The following TRIM59 variants were observed in gnomAD, a reference collection of about 807,000 sequenced individuals.
TRIM59 encodes tripartite motif containing 59.
A neutral mutation model predicts 32.2 loss-of-function variants in TRIM59; 14 were observed. The observed-to-expected ratio is 0.43, with a 90% CI of 0.29 to 0.68. The LOEUF is 0.68. Among genes scored for constraint, TRIM59 ranks in the 30% least tolerant of loss-of-function variants. The probability of loss-of-function intolerance (pLI) is 0.15; values close to 1 mark genes in which losing one functional copy is unlikely to be tolerated. For synonymous variants in TRIM59, 163 were observed against 155.1 expected, an observed-to-expected ratio of 1.05 and a Z score of -0.38; for missense variants, 471 against 463.3, an observed-to-expected ratio of 1.02 and a Z score of -0.15.
chr3:160,448,865 T>A (rs1397123137), intron 1 of TRIM59, 70 bp from the exon 2 acceptor site: 3 of 823,124 alleles, frequency 3.6e-6, no homozygotes, highest in Non-Finnish European at 5.1e-6. Context: ...TGGTTGTTAG[T>A]TCACTGTCTT....
intron 1 of TRIM59, 70 bp downstream of exon 1, chr3:160,449,647 A>G: frequency 7.8e-7 from 1 of 1,289,642 alleles, no homozygotes; most frequent in Non-Finnish European, 1.0e-6. Context: ...GGCACACCAG[A>G]CTGTGCTACA....
intron 1 of TRIM59, chr3:160,449,454 G>T: frequency 8.6e-7 from 1 of 1,164,642 alleles, no homozygotes; most frequent in Non-Finnish European, 1.1e-6. Context: ...CCGACTCGGC[G>T]GCGTCCGCTC....
chr3:160,438,035 C>G lies in TRIM59; in HGVS notation c.1149G>C (p.Lys383Asn). The G allele has an allele frequency of 6.3e-7, 1 of 1,590,378 alleles. No homozygotes were observed. Among genetic ancestry groups the G allele is most frequent in the Non-Finnish European group, 8.5e-7 (1 of 1,173,520 alleles). ...AATAGAAAATGTGACACAGTATATT[C>G]TTTACCTTATGCAGACTGTTAGATA... ...QSLSNSLHKV[K>N]NILCHIFYLL... is the part of the protein sequence containing the mutation. Residue 383 changes from lysine to asparagine, a missense_variant, in exon 3 of 3, where the codon AAG (lysine) becomes AAC (asparagine). Lys to Asn is a moderately conservative substitution (Grantham distance 94). Transcript: ENST00000309784.
intron 2 of TRIM59, among the ~76,000 whole-genome samples, chr3:160,445,269 G>A (rs1719464144): frequency 6.6e-6 from 1 of 151,828 alleles, no homozygotes; most frequent in African/African-American, 2.4e-5. Context: ...AAAAAACTTA[G>A]CTAAGTATGG....
intron 2 of TRIM59, among the ~76,000 whole-genome samples, chr3:160,440,922 C>T (rs1300807139): frequency 1.3e-5 from 2 of 152,126 alleles, no homozygotes; most frequent in Middle Eastern, 3.4e-3. Flanking sequence ...AAAAAATAAA[C>T]ACCCAAGTGC....
intron 2 of TRIM59, among the ~76,000 whole-genome samples, chr3:160,447,550 A>G (rs1719600851): frequency 1.3e-5 from 2 of 152,228 alleles, no homozygotes; most frequent in Non-Finnish European, 1.5e-5. Flanking sequence ...CTGGCATATT[A>G]GGTAATAGAC....
chr3:160,436,764 C>T lies in TRIM59; in HGVS notation c.*1208G>A, dbSNP rs932586733. 1 of 812,748 alleles carries T rather than the reference C, an allele frequency of 1.2e-6. No individual in the cohort carries two copies. Among genetic ancestry groups the T allele is most frequent in the African/African-American group, 2.1e-5 (1 of 47,778 alleles). 50.3% of individuals were successfully genotyped at this position (812,748 alleles called of 1,614,324 possible). Reference sequence around the variant, plus strand: ...AATGAGCCGAGATCACGCCACTGCACTCCAGCCTGGGCGACAGAGCAAGAC... The same window carrying T: ...AATGAGCCGAGATCACGCCACTGCATTCCAGCCTGGGCGACAGAGCAAGAC... On this transcript the variant is annotated 3_prime_UTR_variant, in exon 3 of 3. Transcript: ENST00000309784.
chr3:160,445,949 T>C (rs1220781430), intron 2 of TRIM59, among the ~76,000 whole-genome samples: 1 of 151,946 alleles, frequency 6.6e-6, no homozygotes, highest in Admixed American at 6.6e-5. Flanking sequence ...AAGTAGCTGA[T>C]AGGTGCATGT....
chr3:160,439,117 G>A lies in TRIM59; in HGVS notation c.67C>T (p.Leu23=), dbSNP rs778614419. ...CYSIFEDPRV[L]PCSHTFCRNC... is the part of the protein sequence containing the mutation. The stretch of plus-strand genomic sequence containing the variant: ...CTACAAAATGTATGAGAGCATGGCA[G>A]TACACGAGGATCTTCAAAAATACTA... The change falls in exon 3 of 3, where the codon CTG becomes TTG. Residue 23 remains leucine, a synonymous_variant. Coordinates refer to ENST00000309784, the MANE Select transcript of TRIM59 (RefSeq NM_173084.3). The A allele has an allele frequency of 3.3e-6, 5 of 1,518,448 alleles. No individual in the cohort carries two copies. Among genetic ancestry groups the A allele is most frequent in the Non-Finnish European group, 4.4e-6 (5 of 1,134,724 alleles). The allele number at this position is 1,518,448 out of a possible 1,614,324, so 94.1% of individuals were successfully genotyped here.
Position 160,438,858 on chromosome 3 carries a change from C to T in TRIM59, c.326G>A (p.Cys109Tyr). The change falls in exon 3 of 3, where the codon TGT becomes TAT. Residue 109 changes from cysteine to tyrosine, a missense_variant. Cys to Tyr is a radical substitution (Grantham distance 194). Transcript: ENST00000309784. ...ACAAACTAATTTTTTATCTAATAGA[C>T]AGTAAACATTTAATGGTTGCCTGTA... ...EHYRQPLNVY[C>Y]LLDKKLVCGH... 6.2e-7 allele frequency: 1 copy of T among 1,613,950 alleles called. No homozygotes were observed. Among genetic ancestry groups the T allele is most frequent in the Non-Finnish European group, 8.5e-7 (1 of 1,179,952 alleles).
chr3:160,437,891 T>C lies in TRIM59; in HGVS notation c.*81A>G. ...TAGTTGCAGCACTAATAAAGCTTAG[T>C]TTGCTCTTTATCCATGCTACCCCAT... On this transcript the variant is annotated 3_prime_UTR_variant, in exon 3 of 3. Transcript: ENST00000309784. 1 of 1,410,974 alleles carries C rather than the reference T, an allele frequency of 7.1e-7. No homozygotes were observed. Among genetic ancestry groups the C allele is most frequent in the Non-Finnish European group, 9.2e-7 (1 of 1,082,312 alleles). 87.4% of individuals were successfully genotyped at this position (1,410,974 alleles called of 1,614,324 possible). A position where few individuals can be genotyped will look rare whatever the true frequency, so the allele number is the denominator to read the frequency against.
In TRIM59 at chr3:160,436,417, G is replaced by A. The variant is rs542026412; in HGVS notation, c.*1555C>T. The A allele has an allele frequency of 3.9e-5, 38 of 985,878 alleles. No homozygotes were observed. In the East Asian group the frequency reaches 2.9e-3, roughly 76 times the overall value. 61.1% of individuals were successfully genotyped at this position (985,878 alleles called of 1,614,324 possible). On this transcript the variant is annotated 3_prime_UTR_variant, in exon 3 of 3. Transcript: ENST00000309784. ...TTGCATGGACAGTGGGCCAAAAGTC[G>A]TAACACATGCATCATAACTCCAGTC...
rs1255350686 is a variant in TRIM59 at position 160,435,931 on chromosome 3, T to C, written c.*2041A>G. On this transcript the variant is annotated 3_prime_UTR_variant, in exon 3 of 3. Transcript: ENST00000309784. ...GTTAAAAATATTCACATCACAGAAA[T>C]GAGATTAAGTAGTTTAACACATAAT... is the stretch of plus-strand genomic sequence containing the variant. The C allele has an allele frequency of 1.6e-6, 2 of 1,272,574 alleles. No individual in the cohort carries two copies. The highest frequency in any genetic ancestry group is 1.5e-5 in the African/African-American group (1 of 65,500). 78.8% of individuals were successfully genotyped at this position (1,272,574 alleles called of 1,614,324 possible). A position where few individuals can be genotyped will look rare whatever the true frequency, so the allele number is the denominator to read the frequency against.
chr3:160,445,052 T>G (rs974651486), intron 2 of TRIM59, among the ~76,000 whole-genome samples: 1 of 151,754 alleles, frequency 6.6e-6, no homozygotes, highest in Non-Finnish European at 1.5e-5. Flanking sequence ...CCATACACTT[T>G]ACTTACCAAA....
chr3:160,435,599 C>T lies in TRIM59; in HGVS notation c.*2373G>A. On this transcript the variant is annotated 3_prime_UTR_variant, in exon 3 of 3. Coordinates refer to ENST00000309784, the MANE Select transcript of TRIM59 (RefSeq NM_173084.3). Reference sequence around the variant, plus strand: ...ACATACATCAACTTTTGCAATCTTCCTGCTGGTAAAAATACAAAACAGCAG... The same window carrying T: ...ACATACATCAACTTTTGCAATCTTCTTGCTGGTAAAAATACAAAACAGCAG... The T allele has an allele frequency of 6.1e-6, 1 of 163,848 alleles. No homozygotes were observed. The highest frequency in any genetic ancestry group is 1.3e-5 in the Non-Finnish European group (1 of 74,932). The allele number at this position is 163,848 out of a possible 1,614,324, so 10.1% of individuals were successfully genotyped here.
Position 160,436,509 on chromosome 3 carries a change from A to C in TRIM59, c.*1463T>G. The C allele has an allele frequency of 3.0e-6, 3 of 985,760 alleles. No individual in the cohort carries two copies. The highest frequency in any genetic ancestry group is 3.6e-6 in the Non-Finnish European group (3 of 830,010). 61.1% of individuals were successfully genotyped at this position (985,760 alleles called of 1,614,324 possible). ...CTTAAGCAAAGCTAATAAAAGATTA[A>C]GTTGTTGGGCCGGGCGTGGCGGCTC... On this transcript the variant is annotated 3_prime_UTR_variant, in exon 3 of 3. Transcript: ENST00000309784.
chr3:160,438,430 C>T lies in TRIM59; in HGVS notation c.754G>A (p.Glu252Lys), dbSNP rs1169739408. ...TGCTGGCGTACATCATCAACTTTTT[C>T]AAGAAATTTAAGTGGAGACTCTTCT... is the stretch of plus-strand genomic sequence containing the variant. ...LQEESPLKFL[E>K]KVDDVRQHVQ... Residue 252 changes from glutamate to lysine, a missense_variant, in exon 3 of 3, where the codon GAA becomes AAA. By Grantham distance (56) the Glu-to-Lys change is moderately conservative. Coordinates refer to ENST00000309784, the MANE Select transcript of TRIM59 (RefSeq NM_173084.3). The T allele has an allele frequency of 6.2e-7, 1 of 1,613,978 alleles. No homozygotes were observed. Among genetic ancestry groups the T allele is most frequent in the East Asian group, 2.2e-5 (1 of 44,864 alleles).
intron 2 of TRIM59, among the ~76,000 whole-genome samples, chr3:160,442,968 C>T (rs919610854): frequency 1.3e-5 from 2 of 152,110 alleles, no homozygotes; most frequent in Admixed American, 6.5e-5. Flanking sequence ...AAAAATTAAA[C>T]ATTAGTCAGG....
chr3:160,440,045 T>C (rs1719162105), intron 2 of TRIM59, among the ~76,000 whole-genome samples: 1 of 152,200 alleles, frequency 6.6e-6, no homozygotes, highest in African/African-American at 2.4e-5. Context: ...CAATAATGGT[T>C]TCTAAAGCAA....
Sources: gnomAD v4.1 joint callset for allele counts (sites outside exome capture counted in the v4.1 genomes callset) on GRCh38, gnomAD v4.1.1 for gene constraint, MANE v1.5 for transcripts, NCBI Gene and HGNC (gene_info 2026-07-23, HGNC 2026-07-21) for gene names.